The following IGSF11 variants were observed in gnomAD, a reference collection of about 807,000 sequenced individuals.
The protein encoded by IGSF11 is CXADR like 1.
In IGSF11, 22 loss-of-function variants were observed where a neutral mutation model predicts 41.0. That is an observed-to-expected ratio of 0.54 (90% CI 0.38 to 0.77). The LOEUF (loss-of-function observed/expected upper bound fraction) is 0.77. IGSF11 is among the 30% of genes least tolerant of loss of function. The pLI is 0.00. For missense variants in IGSF11, 444 were observed against 530.8 expected, an observed-to-expected ratio of 0.84 and a Z score of 1.61; for synonymous variants, 219 against 201.3, an observed-to-expected ratio of 1.09 and a Z score of -0.74.
At chr3:118,959,041 C>T (rs1945152850) in intron 1 of IGSF11, among the ~76,000 whole-genome samples, 1 of 152,102 alleles carries the variant, frequency 6.6e-6, no homozygotes, top group Non-Finnish European at 1.5e-5. Flanking sequence ...CTACAAAATA[C>T]GTGTAGGGGA....
Position 118,930,348 on chromosome 3 carries a change from C to T in IGSF11, c.53-73G>A, listed in dbSNP as rs1274372643. 7.4e-5 allele frequency: 106 copies of T among 1,425,866 alleles called. No individual in the cohort carries two copies. The East Asian group carries it at 1.5e-3, about 21-fold the overall frequency. The allele number at this position is 1,425,866 out of a possible 1,614,324, so 88.3% of individuals were successfully genotyped here. A position where few individuals can be genotyped will look rare whatever the true frequency, so the allele number is the denominator to read the frequency against. On this transcript the variant is annotated intron_variant, in intron 1 of 6. Transcript: ENST00000393775. ...GTCCAAACTCCTTCAGGAAGGTTTG[C>T]GTGTTTTATGTTATCACATTATTAT...
At chr3:119,014,453 C>T (rs908632455) in intron 1 of IGSF11, among the ~76,000 whole-genome samples, 1 of 152,162 alleles carries the variant, frequency 6.6e-6, no homozygotes, top group Non-Finnish European at 1.5e-5. Context: ...ATTCATGGGA[C>T]ATACACATTT....
intron 1 of IGSF11, among the ~76,000 whole-genome samples, chr3:119,058,208 T>G (rs1053366490): frequency 2.0e-5 from 3 of 152,004 alleles, no homozygotes; most frequent in African/African-American, 7.2e-5. Context: ...GGGAGAAAAT[T>G]TTTGCAACCT....
chr3:118,946,707 G>A (rs887916800), intron 1 of IGSF11, among the ~76,000 whole-genome samples: 1 of 152,166 alleles, frequency 6.6e-6, no homozygotes, highest in African/African-American at 2.4e-5. Flanking sequence ...CCACTAACAA[G>A]CATTTTTATG....
chr3:119,120,446 T>A (rs1200866909), intron 1 of IGSF11, among the ~76,000 whole-genome samples: 2 of 151,992 alleles, frequency 1.3e-5, no homozygotes, highest in East Asian at 3.9e-4. Context: ...AGTGGAAGGT[T>A]TAATAGGCAA....
At chr3:119,072,756 A>T (rs1423448588) in intron 1 of IGSF11, among the ~76,000 whole-genome samples, 1 of 152,184 alleles carries the variant, frequency 6.6e-6, no homozygotes, top group African/African-American at 2.4e-5. Context: ...CCAAAGAGTG[A>T]GCAGCAGCAA....
At chr3:119,035,789 T>C (rs1336369237), upstream of IGSF11, among the ~76,000 whole-genome samples, 1 of 152,184 alleles carries the variant, frequency 6.6e-6, no homozygotes, top group Non-Finnish European at 1.5e-5. Flanking sequence ...TGCTTCAGCC[T>C]CCAAACTGAG....
intron 1 of IGSF11, among the ~76,000 whole-genome samples, chr3:119,083,809 T>C (rs1479305414): frequency 2.6e-5 from 4 of 152,248 alleles, no homozygotes; most frequent in Non-Finnish European, 4.4e-5. Flanking sequence ...TAATTGTTTA[T>C]GTATTTATCA....
At chr3:118,994,006 T>A (rs1478683504) in intron 1 of IGSF11, among the ~76,000 whole-genome samples, 2 of 152,264 alleles carry the variant, frequency 1.3e-5, no homozygotes, top group African/African-American at 4.8e-5. Context: ...CATTGGTAAA[T>A]GTTGTGGTAT....
chr3:118,984,888 C>G (rs948839706), intron 1 of IGSF11, among the ~76,000 whole-genome samples: 4 of 152,108 alleles, frequency 2.6e-5, no homozygotes, highest in Non-Finnish European at 5.9e-5. Context: ...CTCAGTGACA[C>G]CTTGATTCTG....
intron 1 of IGSF11, among the ~76,000 whole-genome samples, chr3:119,011,898 GATTC>G (rs1297774111): frequency 1.3e-5 from 2 of 152,040 alleles, no homozygotes; most frequent in African/African-American, 4.8e-5. Context: ...AAGAAAATCT[GATTC>G]ATTCTCAAAG....
At chr3:118,952,850 A>G (rs989824336) in intron 1 of IGSF11, among the ~76,000 whole-genome samples, 1 of 151,470 alleles carries the variant, frequency 6.6e-6, no homozygotes, top group Non-Finnish European at 1.5e-5. Flanking sequence ...TATTTGGAAA[A>G]CTCCTGTTTT....
chr3:119,130,386 G>C (rs6438493), intron 1 of IGSF11, among the ~76,000 whole-genome samples: 148,959 of 152,342 alleles, frequency 0.98, 72,914 homozygotes, highest in East Asian at 1. Flanking sequence ...TCTTAGCAAC[G>C]AGCAGACCAG....
intron 1 of IGSF11, among the ~76,000 whole-genome samples, chr3:119,099,177 C>T (rs2076903356): frequency 6.6e-6 from 1 of 152,060 alleles, no homozygotes; most frequent in South Asian, 2.1e-4. Flanking sequence ...GCGGATAATC[C>T]CTCTGGTGTC....
intron 1 of IGSF11, among the ~76,000 whole-genome samples, chr3:119,086,128 CCCTGCCTCTGGACCCTATTTT>C (rs1419099028): frequency 6.6e-6 from 1 of 152,142 alleles, no homozygotes; most frequent in African/African-American, 2.4e-5. Flanking sequence ...GCCTTATGTT[CCCTGCCTCTGGACCCTATTTT>C]CCTGCCTCAG....
intron 1 of IGSF11, among the ~76,000 whole-genome samples, chr3:119,129,879 G>A (rs28870458): frequency 0.17 from 25,535 of 152,038 alleles, 2,619 homozygotes; most frequent in Non-Finnish European, 0.24. Flanking sequence ...CAGCTACTCA[G>A]GGAGCTGAGG....
chr3:118,981,833 G>GTCTA (rs1437671052), intron 1 of IGSF11: 3 of 152,462 alleles, frequency 2.0e-5, no homozygotes, highest in African/African-American at 4.8e-5. Context: ...CGACCCACAT[G>GTCTA]TCTATCTCTT....
At chr3:119,042,952 G>A (rs189978370) in intron 1 of IGSF11, among the ~76,000 whole-genome samples, 66 of 152,300 alleles carry the variant, frequency 4.3e-4, no homozygotes, top group South Asian at 2.1e-4. Flanking sequence ...CTTCCAAGAT[G>A]GCAGCAAGCC....
At chr3:118,980,929 T>C (rs1389438224) in intron 1 of IGSF11, among the ~76,000 whole-genome samples, 2 of 152,246 alleles carry the variant, frequency 1.3e-5, no homozygotes, top group African/African-American at 4.8e-5. Context: ...AGTCACATTT[T>C]CTTGTTAAGT....
Sources: gnomAD v4.1 joint callset for allele counts (sites outside exome capture counted in the v4.1 genomes callset) on GRCh38, gnomAD v4.1.1 for gene constraint, MANE v1.5 for transcripts, NCBI Gene and HGNC (gene_info 2026-07-23, HGNC 2026-07-21) for gene names.